FMR1: variants seen among roughly 807,000 people sequenced by gnomAD.
FMR1 encodes the protein fragile X messenger ribonucleoprotein 1, also known as FMRP translational regulator 1.
FMR1 carries 13 observed loss-of-function variants against 50.6 expected under a neutral mutation model. The observed-to-expected ratio is 0.26, with a 90% CI of 0.17 to 0.41. The LOEUF is 0.41. Ranked by LOEUF, FMR1 falls within the 10% of genes least tolerant of loss-of-function variation. FMR1 has a pLI of 1.00. For missense variants in FMR1, 316 were observed against 491.3 expected (o/e 0.64, Z 3.37); for synonymous variants, 138 against 164.1 (o/e 0.84, Z 1.22).
rs1557183182 is a variant in FMR1, at chrX:147,949,927, T to C, written c.*1083T>C. On this transcript the variant is annotated 3_prime_UTR_variant, in exon 17 of 17. Transcript: ENST00000370475. ...GTACAGGTACTTTGTCTAAGAAACA[T>C]TGGAAGCAGGTTAAATGTTTTGTAA... The C allele has an allele frequency of 9.2e-6, 3 of 327,125 alleles. No homozygotes were observed. Among genetic ancestry groups the C allele is most frequent in the Non-Finnish European group, 1.2e-5 (2 of 169,355 alleles). The allele number at this position is 327,125 out of a possible 1,213,427, so 27.0% of individuals were successfully genotyped here.
chrX:147,930,767 T>C (rs25699), intron 7 of FMR1: 57,430 of 112,177 alleles, frequency 0.51, 11,718 homozygotes, highest in African/African-American at 0.76. Flanking sequence ...CATCACCATA[T>C]ATTTGTTTTC....
At chrX:147,944,544 C>A in intron 14 of FMR1, 1 of 854,441 alleles carries the variant, frequency 1.2e-6, no homozygotes, top group African/African-American at 2.1e-5. Context: ...TAATCTTTTC[C>A]TCCAGAGAGT....
intron 2 of FMR1, among the ~76,000 whole-genome samples, chrX:147,922,771 T>C (rs1297126093): frequency 9.0e-6 from 1 of 111,362 alleles, no homozygotes; most frequent in Non-Finnish European, 1.9e-5. Flanking sequence ...CCAAGAAAAT[T>C]AATAATATAT....
intron 5 of FMR1, among the ~76,000 whole-genome samples, chrX:147,929,599 G>GA (rs1261407310): frequency 6.7e-5 from 7 of 105,112 alleles, no homozygotes; most frequent in African/African-American, 1.4e-4. Context: ...AAAAAAAAAG[G>GA]AAAAAAAAAG....
chrX:147,940,537 A>G (rs781962133), intron 12 of FMR1, 39 bp from the exon 13 acceptor site: 13 of 879,331 alleles, frequency 1.5e-5, no homozygotes, highest in Non-Finnish European at 2.2e-5. Context: ...TTAATCTATC[A>G]TTACTTTTAT....
In FMR1 at chrX:147,944,915, C is replaced by T. The variant is rs2044124033; in HGVS notation, c.1518C>T (p.His506=). ...ASNASETESD[H]RDELSDWSLA... Reference sequence around the variant, plus strand: ...ATGCTTCTGAAACAGAATCTGACCACAGAGACGAACTCAGTGATTGGTCAT... The same window carrying T: ...ATGCTTCTGAAACAGAATCTGACCATAGAGACGAACTCAGTGATTGGTCAT... Residue 506 remains histidine, a synonymous_variant, in exon 15 of 17, where the codon CAC becomes CAT. Transcript: ENST00000370475. 8.3e-7 allele frequency: 1 copy of T among 1,205,266 alleles called. No individual in the cohort carries two copies. The highest frequency in any genetic ancestry group is 1.8e-5 in the African/African-American group (1 of 55,852).
Position 147,935,327 on chromosome X carries a change from A to G in FMR1, c.881-1177A>G, listed in dbSNP as rs1206660071. ...GCAGCCACACACAGCAAGAATGTCA[A>G]AGCTATGCTCTGATTACAAGAGCCA... On this transcript the variant is annotated intron_variant, in intron 9 of 16. Transcript: ENST00000370475. Among the ~76,000 whole-genome samples, 11 of 112,298 alleles carry G rather than the reference A, an allele frequency of 9.8e-5. No individual in the cohort carries two copies. The Admixed American group carries it at 1.0e-3, about 11-fold the overall frequency.
chrX:147,927,493 C>T (rs183415878), intron 3 of FMR1, among the ~76,000 whole-genome samples: 176 of 111,825 alleles, frequency 1.6e-3, no homozygotes, highest in Non-Finnish European at 3.0e-3. Context: ...CTTGTCAGCC[C>T]TAGACTTTGT....
Position 147,948,760 on chromosome X carries a change from G to A in FMR1, c.1815G>A (p.Leu605=), listed in dbSNP as rs1557182640. 1 of 1,209,725 alleles carries A rather than the reference G, an allele frequency of 8.3e-7. No homozygotes were observed. Among genetic ancestry groups the A allele is most frequent in the Non-Finnish European group, 1.1e-6 (1 of 894,938 alleles). ...LQNTSSEGSR[L]RTGKDRNQKK... is the part of the protein sequence containing the mutation. ...ATACCTCCAGTGAAGGTAGTCGGCT[G>A]CGCACGGGTAAAGATCGTAACCAGA... is the stretch of plus-strand genomic sequence containing the variant. Residue 605 remains leucine (L), a synonymous_variant, in exon 17 of 17, where the codon CTG becomes CTA. Coordinates refer to ENST00000370475, the MANE Select transcript of FMR1 (RefSeq NM_002024.6).
Position 147,945,005 on chromosome X carries a change from G to GGGAGGAAGAGGACAA in FMR1, c.1622_1636dup (p.Gln541_Gly545dup). ...GAGGAGACGGACGGCGGCGTGGAGG[G>GGGAGGAAGAGGACAA]GGAGGAAGAGGACAAGGAGGAAGAG... On this transcript the variant is annotated inframe_insertion, in exon 15 of 17. Coordinates refer to ENST00000370475, the MANE Select transcript of FMR1 (RefSeq NM_002024.6). The GGGAGGAAGAGGACAA allele has an allele frequency of 8.4e-7, 1 of 1,196,261 alleles. No individual in the cohort carries two copies. The highest frequency in any genetic ancestry group is 3.0e-5 in the East Asian group (1 of 33,451).
Position 147,912,129 on chromosome X carries a change from C to T in FMR1, c.-51C>T, listed in dbSNP as rs1557173953. The stretch of plus-strand genomic sequence containing the variant: ...GCGGCGGCTGGGCCTCGAGCGCCCG[C>T]AGCCCACCTCTCGGGGGCGGGCTCC... On this transcript the variant is annotated 5_prime_UTR_variant, in exon 1 of 17. Coordinates refer to ENST00000370475, the MANE Select transcript of FMR1 (RefSeq NM_002024.6). 1.0e-6 allele frequency: 1 copy of T among 1,002,964 alleles called. No individual in the cohort carries two copies. The highest frequency in any genetic ancestry group is 2.5e-5 in the South Asian group (1 of 40,296). 82.7% of individuals were successfully genotyped at this position (1,002,964 alleles called of 1,213,427 possible).
intron 2 of FMR1, among the ~76,000 whole-genome samples, chrX:147,922,632 G>A (rs1385789292): frequency 9.0e-6 from 1 of 111,534 alleles, no homozygotes; most frequent in African/African-American, 3.3e-5. Flanking sequence ...CTATTTTCAG[G>A]GTAGCTGTTG....
chrX:147,928,629 G>T, intron 4 of FMR1, 30 bp from the exon 5 acceptor site: 2 of 1,148,892 alleles, frequency 1.7e-6, no homozygotes, highest in South Asian at 1.8e-5. Context: ...TAAAAATTGT[G>T]ATTAGAAGTG....
At chrX:147,933,611 A>T (rs2043683767) in intron 9 of FMR1, 1 of 862,224 alleles carries the variant, frequency 1.2e-6, no homozygotes, top group Admixed American at 6.7e-5. Flanking sequence ...TTAGTAGAAC[A>T]TATCAAAACC....
At chrX:147,933,522 T>C in intron 9 of FMR1, 1 of 923,499 alleles carries the variant, frequency 1.1e-6, no homozygotes. Flanking sequence ...TTGAGTAGTG[T>C]TTTATCACCA....
At chrX:147,933,825 C>CT (rs2043692509) in intron 9 of FMR1, 1 of 146,493 alleles carries the variant, frequency 6.8e-6, no homozygotes, top group African/African-American at 3.1e-5. Context: ...ATTTAGCCTG[C>CT]TTTTTTGTCA....
At chrX:147,918,173 G>A (rs1210168507) in intron 1 of FMR1, among the ~76,000 whole-genome samples, 4 of 110,847 alleles carry the variant, frequency 3.6e-5, no homozygotes, top group Admixed American at 2.9e-4. Context: ...GGTGAGTGGT[G>A]GATAAGGGGA....
At chrX:147,932,301 C>A (rs2043634600) in intron 7 of FMR1, 124 bp from the exon 8 acceptor site, 1 of 629,561 alleles carries the variant, frequency 1.6e-6, no homozygotes, top group African/African-American at 2.2e-5. Flanking sequence ...TAGTTTTAAC[C>A]TAAAACTATT....
chrX:147,941,964 C>CT (rs2044022725), intron 13 of FMR1, among the ~76,000 whole-genome samples: 1 of 112,774 alleles, frequency 8.9e-6, no homozygotes, highest in African/African-American at 3.2e-5. Context: ...CTGGACTACT[C>CT]TTCTGTTTTG....
Sources: allele counts gnomAD v4.1 joint callset (sites outside exome capture counted in the v4.1 genomes callset), GRCh38; gene constraint gnomAD v4.1.1; transcripts MANE v1.5; gene names NCBI Gene and HGNC (gene_info 2026-07-23, HGNC 2026-07-21).